The following COL5A3 variants were observed in gnomAD, a reference collection of about 807,000 sequenced individuals.
The protein encoded by COL5A3 is collagen type V alpha 3 chain.
Under a neutral mutation model 250.0 loss-of-function variants are expected in COL5A3, and 172 were observed. The ratio of observed to expected loss-of-function variants is 0.69; its 90% confidence interval spans 0.61 to 0.78. The LOEUF (loss-of-function observed/expected upper bound fraction) is 0.78. Among genes scored for constraint, COL5A3 ranks in the 30% least tolerant of loss-of-function variants. COL5A3 has a pLI of 0.00. For missense variants in COL5A3, 2,340 were observed against 2,334.4 expected (o/e 1.00, Z -0.05); for synonymous variants, 937 against 900.4 (o/e 1.04, Z -0.73).
Position 10,009,108 on chromosome 19 carries a change from A to G in COL5A3, c.88+1190T>C, listed in dbSNP as rs1006066985. Among the ~76,000 whole-genome samples, 4 of 151,730 alleles carry G rather than the reference A, an allele frequency of 2.6e-5. No homozygotes were observed. The highest frequency in any genetic ancestry group is 2.6e-4 in the Admixed American group (4 of 15,232). On this transcript the variant is annotated intron_variant, in intron 1 of 66. Coordinates refer to ENST00000264828, the MANE Select transcript of COL5A3 (RefSeq NM_015719.4). This position sits in a 1 kb window ranked among gnomAD's most constrained non-coding sequence, Gnocchi z 4.4. Reference sequence around the variant, plus strand: ...GGAATGCGGCATAGTCCAATCAGGGATTAACCATATGGACAGGCACCTTCC... The same window carrying G: ...GGAATGCGGCATAGTCCAATCAGGGGTTAACCATATGGACAGGCACCTTCC...
chr19:10,001,389 T>G, intron 8 of COL5A3, 135 bp downstream of exon 8: 2 of 798,746 alleles, frequency 2.5e-6, no homozygotes, highest in Non-Finnish European at 1.9e-6. Context: ...TCAAATGATC[T>G]GCCCACCTAG....
At chr19:10,001,938 G>A (rs1356117219) in intron 6 of COL5A3, 57 bp from the exon 7 acceptor site, 2 of 1,253,364 alleles carry the variant, frequency 1.6e-6, no homozygotes, top group African/African-American at 3.0e-5. Context: ...AAGACAAAAG[G>A]GAGGCACCCT....
Position 9,966,675 on chromosome 19 carries a change from C to A in COL5A3, c.4530G>T (p.Glu1510Asp). 1 of 1,538,634 alleles carries A rather than the reference C, an allele frequency of 6.5e-7. No individual in the cohort carries two copies. Among genetic ancestry groups the A allele is most frequent in the Non-Finnish European group, 8.7e-7 (1 of 1,147,598 alleles). Residue 1510 changes from glutamate (E) to aspartate (D), a missense_variant, in exon 63 of 67, where the codon GAG becomes GAT. Glu to Asp is a conservative substitution (Grantham distance 45, BLOSUM62 2). Coordinates refer to ENST00000264828, the MANE Select transcript of COL5A3 (RefSeq NM_015719.4). ...AGGCCAGCACCTCCTCCAGGCCGCC[C>A]TCCACGACTGGAAGCGGGACTGGGA... is the stretch of plus-strand genomic sequence containing the variant. ...RFVPVPLPVV[E>D]GGLEEVLASL...
At chr19:9,980,293 G>A (rs1043647535) in intron 35 of COL5A3, among the ~76,000 whole-genome samples, 2 of 152,194 alleles carry the variant, frequency 1.3e-5, no homozygotes, top group Non-Finnish European at 2.9e-5. Context: ...CTTGCCCAAG[G>A]TCACACAGTA....
At chr19:9,960,956 C>A in intron 65 of COL5A3, 66 bp from the exon 66 acceptor site, 4 of 1,573,326 alleles carry the variant, frequency 2.5e-6, no homozygotes, top group Non-Finnish European at 3.4e-6. Flanking sequence ...GAAGCCACCC[C>A]CTGGAATCTC....
chr19:9,968,435 C>A lies in COL5A3; in HGVS notation c.4264G>T (p.Asp1422Tyr). 1 of 1,590,856 alleles carries A rather than the reference C, an allele frequency of 6.3e-7. No individual in the cohort carries two copies. Among genetic ancestry groups the A allele is most frequent in the Non-Finnish European group, 8.5e-7 (1 of 1,174,212 alleles). The change falls in exon 59 of 67, where the codon GAT becomes TAT. Residue 1422 changes from aspartate to tyrosine, a missense_variant. Physicochemically the swap from Asp to Tyr is radical, Grantham distance 160 (BLOSUM62 -3). Around this residue, in one of 3 missense-constraint regions of COL5A3, gnomAD observed 1,179 missense variants for 1,162.6 expected, o/e 1.01. Transcript: ENST00000264828. The surrounding 1 kb of genome is among the most constrained non-coding windows in gnomAD (Gnocchi z 4.1). ...GPPGEAGEKG[D>Y]QGLPGVQGPP... ...CCCTGCACGCCTGGCAACCCCTGATCTCCTTTCTCACCAGCTTCTCCCGGG... is the reference window on the plus strand; with the variant it reads ...CCCTGCACGCCTGGCAACCCCTGATATCCTTTCTCACCAGCTTCTCCCGGG...
chr19:9,967,002 G>A (rs1158224153), intron 62 of COL5A3, among the ~76,000 whole-genome samples: 1 of 152,120 alleles, frequency 6.6e-6, no homozygotes, highest in Non-Finnish European at 1.5e-5. Context: ...AAGAATAGCA[G>A]AGACAGGGAG....
chr19:9,974,188 C>T lies in COL5A3; in HGVS notation c.3487G>A (p.Gly1163Arg), dbSNP rs147491932. The T allele has an allele frequency of 1.7e-5, 28 of 1,613,992 alleles. No individual in the cohort carries two copies. The highest frequency in any genetic ancestry group is 2.2e-5 in the East Asian group (1 of 44,866). ...PGPPGEKGEV[G>R]DVGSMGPHGA... The stretch of plus-strand genomic sequence containing the variant: ...GTGCATACCATGGACCCGACGTCTC[C>T]GACCTCCCCTTTCTCTCCCGGAGGG... Residue 1163 changes from glycine to arginine, a missense_variant, in exon 47 of 67, where the codon GGA becomes AGA. By Grantham distance (125) the Gly-to-Arg change is moderately radical. Transcript: ENST00000264828.
chr19:9,976,543 G>A lies in COL5A3; in HGVS notation c.3342+15C>T, dbSNP rs1296651056. 1 of 1,560,192 alleles carries A rather than the reference G, an allele frequency of 6.4e-7. No homozygotes were observed. ...CAAGGACCCAGAGAAGGACTGAAAA[G>A]ATGGGGGCACTCACCGGGGGACCTG... is the stretch of plus-strand genomic sequence containing the variant. On this transcript the variant is annotated intron_variant, in intron 45 of 66. Transcript: ENST00000264828.
intron 50 of COL5A3, 149 bp from the exon 51 acceptor site, chr19:9,973,175 A>T: frequency 1.5e-6 from 1 of 675,406 alleles, no homozygotes; most frequent in Middle Eastern, 2.8e-4. Context: ...CAAAGGTCAG[A>T]AGGAGCTAGG....
chr19:9,990,828 G>A (rs2087179053), intron 24 of COL5A3, among the ~76,000 whole-genome samples: 1 of 152,162 alleles, frequency 6.6e-6, no homozygotes, highest in African/African-American at 2.4e-5. Flanking sequence ...CTCCCAAAGT[G>A]CTAGGATTAC....
chr19:9,996,317 C>A, intron 13 of COL5A3, 55 bp from the exon 14 acceptor site: 1 of 1,544,716 alleles, frequency 6.5e-7, no homozygotes, highest in Non-Finnish European at 8.7e-7. Context: ...CCCAACATTC[C>A]CCACAGAGGC....
At chr19:9,999,352 C>T (rs1041692723) in intron 8 of COL5A3, among the ~76,000 whole-genome samples, 2 of 149,040 alleles carry the variant, frequency 1.3e-5, no homozygotes, top group Non-Finnish European at 3.0e-5. Flanking sequence ...CAGCACCATG[C>T]CCAGCTATTT....
chr19:9,980,717 G>A, intron 34 of COL5A3, 25 bp from the exon 35 acceptor site: 2 of 1,614,104 alleles, frequency 1.2e-6, no homozygotes, highest in Non-Finnish European at 1.7e-6. Context: ...ATGAGACTCA[G>A]GCCCCAGAAC....
intron 43 of COL5A3, 27 bp from the exon 44 acceptor site, chr19:9,977,309 CA>C (rs748323514): frequency 8.6e-5 from 139 of 1,613,732 alleles, no homozygotes; most frequent in Non-Finnish European, 9.0e-5. Flanking sequence ...ATGAAGGACC[CA>C]GCTTCCATTC....
At chr19:9,973,073 G>A (rs950204391) in intron 50 of COL5A3, 47 bp from the exon 51 acceptor site, 11 of 1,499,966 alleles carry the variant, frequency 7.3e-6, no homozygotes, top group African/African-American at 1.4e-5. Context: ...ACTCTCCAGG[G>A]ATCAAGGATT....
intron 44 of COL5A3, 117 bp from the exon 45 acceptor site, chr19:9,976,728 GC>G (rs1200963996): frequency 1.4e-6 from 1 of 733,968 alleles, no homozygotes; most frequent in Non-Finnish European, 2.2e-6. Context: ...CCCCTACCAG[GC>G]AGCAACAGCT....
rs753019508 is a variant in COL5A3, at chr19:9,978,565, T to C, written c.3018+9A>G. On this transcript the variant is annotated intron_variant, in intron 41 of 66. Coordinates refer to ENST00000264828, the MANE Select transcript of COL5A3 (RefSeq NM_015719.4). The stretch of plus-strand genomic sequence containing the variant: ...CCTGCCCCCACCCAGCACATGGGGT[T>C]ATACTTACATTGGCCCCCACGGGCC... 6.6e-5 allele frequency: 104 copies of C among 1,575,036 alleles called. 1 individual carries two copies. The highest frequency in any genetic ancestry group is 1.4e-4 in the Admixed American group (8 of 56,822).
chr19:9,967,268 C>T, intron 62 of COL5A3, 79 bp downstream of exon 62: 1 of 1,086,264 alleles, frequency 9.2e-7, no homozygotes, highest in South Asian at 2.3e-5. Flanking sequence ...ACGGAAGGAC[C>T]CTCTGGGGAC....
Sources: gnomAD v4.1 joint callset for allele counts (sites outside exome capture counted in the v4.1 genomes callset) on GRCh38, gnomAD v4.1.1 for gene constraint, gnomAD v4.1.1 regional missense constraint, Gnocchi (gnomAD v3.1) non-coding constraint, MANE v1.5 for transcripts, NCBI Gene and HGNC (gene_info 2026-07-23, HGNC 2026-07-21) for gene names.